Variants in NAT1 observed in about 807,000 individuals in gnomAD.
NAT1 encodes the protein N-acetyltransferase 1.
For synonymous variants in NAT1, 144 were observed against 122.6 expected (o/e 1.17, Z -1.16); for missense variants, 400 against 339.2 (o/e 1.18, Z -1.41).
chr8:18,183,669 A>G (rs1463197171), intron 2 of NAT1, among the ~76,000 whole-genome samples: 3 of 152,206 alleles, frequency 2.0e-5, no homozygotes, highest in Non-Finnish European at 4.4e-5. Flanking sequence ...CCTGAGACGA[A>G]TCCCCTCCCA....
chr8:18,196,559 T>C (rs977425016), intron 2 of NAT1, among the ~76,000 whole-genome samples: 5 of 152,218 alleles, frequency 3.3e-5, no homozygotes, highest in Non-Finnish European at 7.3e-5. Flanking sequence ...GAGGATGCTG[T>C]ACTTATTACC....
chr8:18,197,149 G>C (rs1803268552), intron 2 of NAT1, among the ~76,000 whole-genome samples: 1 of 152,118 alleles, frequency 6.6e-6, no homozygotes, highest in Non-Finnish European at 1.5e-5. Context: ...CCACCTCCAA[G>C]ATCCATGAAC....
intron 2 of NAT1, among the ~76,000 whole-genome samples, chr8:18,176,587 G>C (rs930644925): frequency 8.1e-6 from 1 of 122,968 alleles, no homozygotes; most frequent in Admixed American, 8.2e-5. Flanking sequence ...CCAGTGCCAT[G>C]CTGTTTTTTT....
intron 2 of NAT1, among the ~76,000 whole-genome samples, chr8:18,199,209 G>A (rs889115907): frequency 1.3e-5 from 2 of 151,530 alleles, no homozygotes; most frequent in African/African-American, 4.9e-5. Context: ...AGCTACTTGG[G>A]AGGCTGAGAC....
intron 2 of NAT1, among the ~76,000 whole-genome samples, chr8:18,202,040 A>G (rs1482024223): frequency 6.6e-6 from 1 of 152,220 alleles, no homozygotes; most frequent in Non-Finnish European, 1.5e-5. Flanking sequence ...ATTTATGTCT[A>G]TAAAAGAAAT....
At chr8:18,209,886 T>C (rs7845127), upstream of NAT1, 114,983 of 152,064 alleles carry the variant, frequency 0.76, 44,237 homozygotes, top group African/African-American at 0.91. Flanking sequence ...AGGTGAAATA[T>C]AAGAGCACAG....
At chr8:18,185,914 G>C (rs73666895) in intron 2 of NAT1, among the ~76,000 whole-genome samples, 5,073 of 152,132 alleles carry the variant, frequency 0.033, 261 homozygotes, top group African/African-American at 0.11. Context: ...CCTTGGCTTA[G>C]TTATAAGTGT....
At chr8:18,193,377 A>C (rs1021205337) in intron 2 of NAT1, among the ~76,000 whole-genome samples, 1 of 149,094 alleles carries the variant, frequency 6.7e-6, no homozygotes, top group African/African-American at 2.5e-5. Context: ...AGACTGCTTG[A>C]GCCTGGGAGG....
At chr8:18,220,426 G>A (rs1805160855) in intron 2 of NAT1, among the ~76,000 whole-genome samples, 2 of 152,120 alleles carry the variant, frequency 1.3e-5, no homozygotes, top group East Asian at 1.9e-4. Context: ...TCATCCTCAG[G>A]CCATACCACA....
chr8:18,175,688 T>A (rs1483316270), intron 2 of NAT1, among the ~76,000 whole-genome samples: 1 of 152,090 alleles, frequency 6.6e-6, no homozygotes, highest in Non-Finnish European at 1.5e-5. Flanking sequence ...AGTACAGACA[T>A]CTCTTCAACA....
intron 2 of NAT1, among the ~76,000 whole-genome samples, chr8:18,194,773 G>T (rs1207303568): frequency 3.3e-5 from 5 of 150,344 alleles, no homozygotes. Flanking sequence ...TAAGTTGAGA[G>T]ACGCCACTGC....
At chr8:18,207,242 T>C (rs1803762474), upstream of NAT1, among the ~76,000 whole-genome samples, 1 of 152,212 alleles carries the variant, frequency 6.6e-6, no homozygotes, top group East Asian at 1.9e-4. Flanking sequence ...GTGTCCGTTT[T>C]TGTATCAGTA....
At position 18,222,835 on chromosome 8, in the gene NAT1, T is replaced by C. The variant is rs753003232; in HGVS notation, c.788T>C (p.Ile263Thr). Residue 263 changes from isoleucine (I) to threonine (T), a missense_variant, in exon 3 of 3, where the codon ATA becomes ACA. Physicochemically the swap from Ile to Thr is moderately conservative, Grantham distance 89. Transcript: ENST00000307719. ...IEFKTLSEEE[I>T]EKVLKNIFNI... is the part of the protein sequence containing the mutation. ...TTCAAGACTCTGAGTGAGGAAGAAATAGAAAAAGTGCTGAAAAATATATTT... is the reference window on the plus strand; with the variant it reads ...TTCAAGACTCTGAGTGAGGAAGAAACAGAAAAAGTGCTGAAAAATATATTT... 11 of 1,603,134 alleles carry C rather than the reference T, an allele frequency of 6.9e-6. No individual in the cohort carries two copies. Among genetic ancestry groups the C allele is most frequent in the Admixed American group, 1.7e-5 (1 of 57,390 alleles).
intron 2 of NAT1, among the ~76,000 whole-genome samples, chr8:18,202,014 ACT>A (rs1717726572): frequency 6.6e-6 from 1 of 151,840 alleles, no homozygotes; most frequent in Non-Finnish European, 1.5e-5. Flanking sequence ...CCATTTTGAA[ACT>A]CTTTGTAAAT....
chr8:18,205,925 C>T, upstream of NAT1, among the ~76,000 whole-genome samples: 1 of 152,160 alleles, frequency 6.6e-6, no homozygotes, highest in Non-Finnish European at 1.5e-5. Context: ...TGGGCAAGAC[C>T]ACCCTGCAGA....
At chr8:18,207,631 C>T (rs746136200), upstream of NAT1, among the ~76,000 whole-genome samples, 1 of 152,120 alleles carries the variant, frequency 6.6e-6, no homozygotes, top group African/African-American at 2.4e-5. Flanking sequence ...GCCAGTGAGG[C>T]TGCAGAGAGA....
intron 2 of NAT1, among the ~76,000 whole-genome samples, chr8:18,184,039 G>C (rs973674514): frequency 6.6e-6 from 1 of 152,088 alleles, no homozygotes; most frequent in African/African-American, 2.4e-5. Flanking sequence ...GTCCCGGGGC[G>C]GGGTGGTGGG....
At chr8:18,203,654 C>G (rs1168519684) in intron 2 of NAT1, among the ~76,000 whole-genome samples, 1 of 152,222 alleles carries the variant, frequency 6.6e-6, no homozygotes, top group South Asian at 2.1e-4. Context: ...ATCCTCACAG[C>G]TCTGTCCTCC....
At chr8:18,206,734 T>C (rs1197381397), upstream of NAT1, among the ~76,000 whole-genome samples, 1 of 152,212 alleles carries the variant, frequency 6.6e-6, no homozygotes, top group African/African-American at 2.4e-5. Context: ...GATGGATAGA[T>C]TGCAAAAATT....
Sources: gnomAD v4.1 joint callset for allele counts (sites outside exome capture counted in the v4.1 genomes callset) on GRCh38, gnomAD v4.1.1 for gene constraint, MANE v1.5 for transcripts, NCBI Gene and HGNC (gene_info 2026-07-23, HGNC 2026-07-21) for gene names.